The following PHACTR4 variants were observed in gnomAD, a reference collection of about 807,000 sequenced individuals.
The protein encoded by PHACTR4 is phosphatase and actin regulator 4, also known as protein phosphatase 1, regulatory subunit 124.
A neutral mutation model predicts 72.7 loss-of-function variants in PHACTR4; 51 were observed. That is an observed-to-expected ratio of 0.70 (90% CI 0.56 to 0.89). The LOEUF (loss-of-function observed/expected upper bound fraction) is 0.89, where lower values mean the gene tolerates loss of function less well. Ranked by LOEUF, PHACTR4 falls within the 40% of genes least tolerant of loss-of-function variation. PHACTR4 has a pLI of 0.00. For missense variants in PHACTR4, 731 were observed against 861.8 expected, an observed-to-expected ratio of 0.85 and a Z score of 1.90; for synonymous variants, 255 against 302.5, an observed-to-expected ratio of 0.84 and a Z score of 1.63.
In PHACTR4 at chr1:28,491,699, G is replaced by A. The variant is rs1442574073; in HGVS notation, c.1928G>A (p.Arg643Lys). Residue 643 changes from arginine (R) to lysine (K), a missense_variant, in exon 12 of 14, where the codon AGG (arginine) becomes AAG (lysine). Transcript: ENST00000373839. Reference protein sequence around the residue: ...VAELLARKILRFNEYVEVTDA... With the variant: ...VAELLARKILKFNEYVEVTDA... ...GAACTCCTTGCCAGGAAGATTCTGA[G>A]GTTTAATGAATATGTAGAGGTAACA... 2 of 1,614,020 alleles carry A rather than the reference G, an allele frequency of 1.2e-6. No homozygotes were observed. Among genetic ancestry groups the A allele is most frequent in the East Asian group, 2.2e-5 (1 of 44,896 alleles).
intron 2 of PHACTR4, among the ~76,000 whole-genome samples, chr1:28,431,320 A>G (rs1407435172): frequency 6.7e-6 from 1 of 149,972 alleles, no homozygotes; most frequent in Non-Finnish European, 1.5e-5. Context: ...CTGGCCTCCC[A>G]AGTAGCTGGG....
At chr1:28,398,347 C>T (rs370834124) in intron 1 of PHACTR4, among the ~76,000 whole-genome samples, 7 of 150,890 alleles carry the variant, frequency 4.6e-5, no homozygotes, top group South Asian at 2.1e-4. Context: ...GGTGAAACCC[C>T]GTCTCTACTA....
chr1:28,453,078 C>T (rs1269369450), intron 2 of PHACTR4, among the ~76,000 whole-genome samples: 4 of 152,132 alleles, frequency 2.6e-5, no homozygotes, highest in African/African-American at 9.7e-5. Flanking sequence ...GAGATCACGC[C>T]ATTGCACTCC....
At chr1:28,395,101 T>C (rs1435676128) in intron 1 of PHACTR4, among the ~76,000 whole-genome samples, 2 of 151,886 alleles carry the variant, frequency 1.3e-5, no homozygotes, top group African/African-American at 2.4e-5. Context: ...TTAGTAGAGA[T>C]GGGGTTTCGC....
chr1:28,372,485 C>G (rs769119247), intron 1 of PHACTR4, among the ~76,000 whole-genome samples: 21 of 151,956 alleles, frequency 1.4e-4, no homozygotes, highest in Non-Finnish European at 2.2e-4. Context: ...ATTTTTAATC[C>G]AGCAGTGAGT....
At chr1:28,432,619 A>G (rs1309808432) in intron 2 of PHACTR4, among the ~76,000 whole-genome samples, 1 of 152,090 alleles carries the variant, frequency 6.6e-6, no homozygotes, top group Non-Finnish European at 1.5e-5. Flanking sequence ...CCTAAGTGAC[A>G]GAGCAAGACT....
chr1:28,421,614 G>C (rs1207906714), intron 2 of PHACTR4, among the ~76,000 whole-genome samples: 1 of 151,998 alleles, frequency 6.6e-6, no homozygotes, highest in Non-Finnish European at 1.5e-5. Context: ...AAATAATTTA[G>C]ATGCTCTAAA....
At chr1:28,436,194 G>A (rs1345772342) in intron 2 of PHACTR4, among the ~76,000 whole-genome samples, 1 of 152,082 alleles carries the variant, frequency 6.6e-6, no homozygotes, top group Non-Finnish European at 1.5e-5. Flanking sequence ...AATCTTTCTG[G>A]GATCTCAGTT....
chr1:28,413,011 C>T (rs1654883108), intron 2 of PHACTR4, among the ~76,000 whole-genome samples: 1 of 152,186 alleles, frequency 6.6e-6, no homozygotes, highest in Admixed American at 6.5e-5. Flanking sequence ...TGAGCTCCAC[C>T]TCCTGTCAGA....
intron 6 of PHACTR4, among the ~76,000 whole-genome samples, chr1:28,469,704 C>T (rs2124492906): frequency 6.6e-6 from 1 of 152,306 alleles, no homozygotes; most frequent in East Asian, 1.9e-4. Flanking sequence ...CTAAAATTCA[C>T]ATTTTTAGAA....
At chr1:28,495,230 G>A (rs1475444794) in intron 13 of PHACTR4, among the ~76,000 whole-genome samples, 3 of 152,132 alleles carry the variant, frequency 2.0e-5, no homozygotes, top group Non-Finnish European at 4.4e-5. Flanking sequence ...GGCTACAGCA[G>A]GAAATAAGAT....
intron 1 of PHACTR4, among the ~76,000 whole-genome samples, chr1:28,376,921 GCCAGCGC>G (rs1327424468): frequency 1.3e-5 from 2 of 152,032 alleles, no homozygotes; most frequent in African/African-American, 2.4e-5. Context: ...ACAGGCGTGA[GCCAGCGC>G]GCCCGGCCTT....
At chr1:28,446,870 C>T (rs1657512442) in intron 2 of PHACTR4, among the ~76,000 whole-genome samples, 1 of 152,172 alleles carries the variant, frequency 6.6e-6, no homozygotes, top group South Asian at 2.1e-4. Flanking sequence ...TCATCTTCCA[C>T]CATGATTGTA....
chr1:28,483,555 A>G (rs2124531065), intron 9 of PHACTR4, among the ~76,000 whole-genome samples: 1 of 152,256 alleles, frequency 6.6e-6, no homozygotes, highest in South Asian at 2.1e-4. Context: ...TAATCTCAGC[A>G]CTTTGGGAGG....
At chr1:28,402,980 G>T (rs570734271) in intron 1 of PHACTR4, among the ~76,000 whole-genome samples, 1 of 152,282 alleles carries the variant, frequency 6.6e-6, no homozygotes, top group East Asian at 1.9e-4. Flanking sequence ...GAGTCCCTTG[G>T]AACATGTGAA....
At position 28,441,823 on chromosome 1, in the gene PHACTR4, C is replaced by G. The variant is rs184495965; in HGVS notation, c.17-17262C>G. Among the ~76,000 whole-genome samples, 56 of 152,038 alleles carry G rather than the reference C, an allele frequency of 3.7e-4. No individual in the cohort carries two copies. In the Middle Eastern group the frequency reaches 0.01, roughly 28 times the overall value. On this transcript the variant is annotated intron_variant, in intron 2 of 13. Coordinates refer to ENST00000373839, the MANE Select transcript of PHACTR4 (RefSeq NM_001048183.3). ...CAGCCTGGGCAACATAGGGCAACAC[C>G]GTTTCTACAAAAATAAAAATTTAGC... is the stretch of plus-strand genomic sequence containing the variant.
At chr1:28,386,286 G>T (rs1652554946) in intron 1 of PHACTR4, among the ~76,000 whole-genome samples, 1 of 151,894 alleles carries the variant, frequency 6.6e-6, no homozygotes, top group Non-Finnish European at 1.5e-5. Context: ...TAGAGACAGG[G>T]TTTCACCATG....
chr1:28,487,915 TC>T (rs1660803198), intron 9 of PHACTR4, among the ~76,000 whole-genome samples: 1 of 151,490 alleles, frequency 6.6e-6, no homozygotes, highest in African/African-American at 2.4e-5. Flanking sequence ...TTTGTATTTT[TC>T]AGTAGAGACA....
At chr1:28,487,518 CAAAAA>C (rs796633179) in intron 9 of PHACTR4, among the ~76,000 whole-genome samples, 1 of 77,338 alleles carries the variant, frequency 1.3e-5, no homozygotes. Context: ...GACACACACA[CAAAAA>C]AAAAAAAAAA....
Sources: allele counts gnomAD v4.1 joint callset (sites outside exome capture counted in the v4.1 genomes callset), GRCh38; gene constraint gnomAD v4.1.1; transcripts MANE v1.5; gene names NCBI Gene and HGNC (gene_info 2026-07-23, HGNC 2026-07-21).